TNIK: variants seen among roughly 807,000 people sequenced by gnomAD.
TNIK encodes TRAF2 and NCK interacting kinase, also known as TRAF2 and NCK-interacting protein kinase.
A neutral mutation model predicts 191.3 loss-of-function variants in TNIK; 49 were observed. The observed-to-expected ratio is 0.26, with a 90% confidence interval of 0.20 to 0.32. The LOEUF is 0.32. TNIK is among the 10% of genes least tolerant of loss of function. The pLI, the probability that TNIK is intolerant of heterozygous loss-of-function variation, is 1.00. For missense variants in TNIK, 1,155 were observed against 1,702.3 expected (o/e 0.68, Z 5.66); for synonymous variants, 594 against 600.9 (o/e 0.99, Z 0.17).
chr3:171,356,247 TTCC>T (rs759590336), intron 2 of TNIK, among the ~76,000 whole-genome samples: 5 of 152,260 alleles, frequency 3.3e-5, no homozygotes, highest in Non-Finnish European at 5.9e-5. Context: ...TAGAAATTTC[TTCC>T]TCCTTTCTGA....
intron 22 of TNIK, among the ~76,000 whole-genome samples, chr3:171,101,018 C>T (rs1231572060): frequency 6.6e-6 from 1 of 152,024 alleles, no homozygotes; most frequent in Non-Finnish European, 1.5e-5. Flanking sequence ...GTGCATTTCT[C>T]CTTGCTTGTT....
chr3:171,295,028 G>GAA (rs1439969973), intron 2 of TNIK, among the ~76,000 whole-genome samples: 1 of 109,620 alleles, frequency 9.1e-6, no homozygotes, highest in African/African-American at 3.1e-5. Flanking sequence ...AGAGAGAGAG[G>GAA]AAAAAAAAAG....
chr3:171,432,600 A>G (rs1054768319), intron 1 of TNIK, among the ~76,000 whole-genome samples: 1 of 152,178 alleles, frequency 6.6e-6, no homozygotes, highest in Non-Finnish European at 1.5e-5. Context: ...CTCTTTCACA[A>G]TATTAAACAC....
At chr3:171,194,710 A>T (rs944997635) in intron 4 of TNIK, 75 bp from the exon 5 acceptor site, 31 of 1,324,468 alleles carry the variant, frequency 2.3e-5, no homozygotes, top group Middle Eastern at 1.8e-4. Flanking sequence ...AAGAAAGCAC[A>T]AGCAATTGGC....
intron 3 of TNIK, among the ~76,000 whole-genome samples, chr3:171,222,337 A>G: frequency 6.6e-6 from 1 of 152,136 alleles, no homozygotes; most frequent in Admixed American, 6.6e-5. Context: ...ATTCCTTTGT[A>G]AAATAGATAT....
In TNIK at chr3:171,387,916, T is replaced by C. The variant is rs116172471; in HGVS notation, c.58-18231A>G. Among the ~76,000 whole-genome samples, 609 of 150,516 alleles carry C rather than the reference T, an allele frequency of 4.0e-3. 5 individuals are homozygous for C. Among genetic ancestry groups the C allele is most frequent in the African/African-American group, 0.014 (585 of 40,768 alleles). On this transcript the variant is annotated intron_variant, in intron 1 of 32. Coordinates refer to ENST00000436636, the MANE Select transcript of TNIK (RefSeq NM_015028.4). ...TTAAAATGGCCTAGTGGTTCAGAAC[T>C]TGGACTCCAACAGAACTGAAATAAT...
intron 4 of TNIK, among the ~76,000 whole-genome samples, chr3:171,208,043 A>G (rs1740314560): frequency 6.6e-6 from 1 of 152,130 alleles, no homozygotes; most frequent in South Asian, 2.1e-4. Context: ...CTTAAGAGAA[A>G]TTTCAGGCCA....
intron 1 of TNIK, among the ~76,000 whole-genome samples, chr3:171,426,794 G>A (rs1353074534): frequency 6.6e-6 from 1 of 152,214 alleles, no homozygotes; most frequent in East Asian, 1.9e-4. Flanking sequence ...CTGAAGTCCA[G>A]CCTTAGGCAA....
At chr3:171,226,596 TA>T (rs1742993449) in intron 3 of TNIK, among the ~76,000 whole-genome samples, 1 of 152,184 alleles carries the variant, frequency 6.6e-6, no homozygotes, top group Admixed American at 6.5e-5. Flanking sequence ...TATTATTCAG[TA>T]AAGGCCAGGT....
intron 18 of TNIK, among the ~76,000 whole-genome samples, chr3:171,112,050 G>A (rs939207780): frequency 6.6e-6 from 1 of 152,150 alleles, no homozygotes; most frequent in Non-Finnish European, 1.5e-5. Flanking sequence ...TGCGAAGATA[G>A]TAGATCTTAA....
intron 1 of TNIK, among the ~76,000 whole-genome samples, chr3:171,450,944 C>G (rs1728098987): frequency 6.6e-6 from 1 of 152,194 alleles, no homozygotes; most frequent in Non-Finnish European, 1.5e-5. Flanking sequence ...ATAGTCACGA[C>G]TGCCTTAAAG....
intron 2 of TNIK, among the ~76,000 whole-genome samples, chr3:171,274,275 AAAGC>A (rs1749455458): frequency 6.6e-6 from 1 of 152,190 alleles, no homozygotes; most frequent in Non-Finnish European, 1.5e-5. Flanking sequence ...TCAGGGCTGA[AAAGC>A]AAGGAACATC....
At chr3:171,430,946 G>A (rs1725298087) in intron 1 of TNIK, among the ~76,000 whole-genome samples, 1 of 152,032 alleles carries the variant, frequency 6.6e-6, no homozygotes, top group Non-Finnish European at 1.5e-5. Flanking sequence ...TAATCAATTT[G>A]CATGTTGCAG....
At chr3:171,245,763 C>T (rs1471044613) in intron 2 of TNIK, among the ~76,000 whole-genome samples, 1 of 152,140 alleles carries the variant, frequency 6.6e-6, no homozygotes, top group East Asian at 1.9e-4. Context: ...CTACTGAATG[C>T]CTCAAATGCA....
In TNIK at chr3:171,422,189, C is replaced by T. The variant is rs533765675; in HGVS notation, c.57+37818G>A. Among the ~76,000 whole-genome samples, 10 of 152,158 alleles carry T rather than the reference C, an allele frequency of 6.6e-5. No individual in the cohort carries two copies. In the South Asian group the frequency reaches 2.1e-3, roughly 32 times the overall value. On this transcript the variant is annotated intron_variant, in intron 1 of 32. Coordinates refer to ENST00000436636, the MANE Select transcript of TNIK (RefSeq NM_015028.4). ...ATCCTGTAAAGTCAGTTTGACTAAA[C>T]CATTGGATAGATCCTTTCTCAGGAA...
intron 1 of TNIK, among the ~76,000 whole-genome samples, chr3:171,453,661 A>AG (rs1291282311): frequency 6.6e-6 from 1 of 152,196 alleles, no homozygotes; most frequent in Admixed American, 6.5e-5. Flanking sequence ...AGTCAGAAGA[A>AG]GGCTGGTGGT....
intron 12 of TNIK, among the ~76,000 whole-genome samples, chr3:171,146,734 A>G (rs1158694549): frequency 6.6e-6 from 1 of 152,094 alleles, no homozygotes; most frequent in African/African-American, 2.4e-5. Context: ...TACTAAAAAT[A>G]CAAAAATTAG....
chr3:171,169,065 C>T (rs1282298138), intron 9 of TNIK, among the ~76,000 whole-genome samples: 1 of 152,030 alleles, frequency 6.6e-6, no homozygotes, highest in African/African-American at 2.4e-5. Context: ...AAAGGACACT[C>T]CTAAGGAATG....
At chr3:171,172,006 T>TC (rs1735350108) in intron 9 of TNIK, among the ~76,000 whole-genome samples, 1 of 152,150 alleles carries the variant, frequency 6.6e-6, no homozygotes, top group South Asian at 2.1e-4. Context: ...CAAAGGCCTC[T>TC]CCTCATCATA....
Sources: gnomAD v4.1 joint callset for allele counts (sites outside exome capture counted in the v4.1 genomes callset) on GRCh38, gnomAD v4.1.1 for gene constraint, MANE v1.5 for transcripts, NCBI Gene and HGNC (gene_info 2026-07-23, HGNC 2026-07-21) for gene names.